Variants in SOX5 observed in about 807,000 individuals in gnomAD.
SOX5 encodes transcription factor SOX-5.
In SOX5, 9 loss-of-function variants were observed where a neutral mutation model predicts 92.0. The observed-to-expected ratio is 0.10, with a 90% CI of 0.06 to 0.17. The LOEUF (loss-of-function observed/expected upper bound fraction) is 0.17. SOX5 is among the 10% of genes least tolerant of loss of function. The pLI, the probability that SOX5 is intolerant of heterozygous loss-of-function variation, is 1.00. For synonymous variants in SOX5, 344 were observed against 336.3 expected (o/e 1.02, Z -0.25); for missense variants, 642 against 944.5 (o/e 0.68, Z 4.20).
intron 8 of SOX5, among the ~76,000 whole-genome samples, chr12:23,621,081 TC>T (rs2077119573): frequency 6.6e-6 from 1 of 152,092 alleles, no homozygotes; most frequent in Non-Finnish European, 1.5e-5. Context: ...AACTTATACA[TC>T]CACAATTCTT....
intron 4 of SOX5, among the ~76,000 whole-genome samples, chr12:24,178,670 A>C (rs1955112741): frequency 6.6e-6 from 1 of 152,226 alleles, no homozygotes; most frequent in Admixed American, 6.5e-5. Flanking sequence ...GATAAAAAAA[A>C]ATCTTGTTTT....
At chr12:24,169,797 T>C (rs10842288) in intron 4 of SOX5, among the ~76,000 whole-genome samples, 58,731 of 152,086 alleles carry the variant, frequency 0.39, 12,035 homozygotes, top group Non-Finnish European at 0.47. Context: ...CGTTTGTTTA[T>C]AAACTTTGTT....
intron 4 of SOX5, among the ~76,000 whole-genome samples, chr12:24,031,112 G>C (rs1955456790): frequency 6.6e-6 from 1 of 151,712 alleles, no homozygotes; most frequent in African/African-American, 2.4e-5. Flanking sequence ...TATTGGAACA[G>C]CCATTATGGA....
At chr12:24,166,901 C>T (rs1385504067) in intron 4 of SOX5, among the ~76,000 whole-genome samples, 1 of 152,084 alleles carries the variant, frequency 6.6e-6, no homozygotes, top group Non-Finnish European at 1.5e-5. Flanking sequence ...GAGGTATTTA[C>T]TTGGAACTGG....
intron 1 of SOX5, among the ~76,000 whole-genome samples, chr12:24,446,020 A>G (rs1011220024): frequency 2.0e-5 from 3 of 152,222 alleles, no homozygotes; most frequent in African/African-American, 7.2e-5. Context: ...CCTCAGAGAT[A>G]AGTGCTACTC....
intron 4 of SOX5, among the ~76,000 whole-genome samples, chr12:24,113,967 A>G (rs998560493): frequency 6.6e-5 from 10 of 152,200 alleles, no homozygotes; most frequent in African/African-American, 2.4e-4. Flanking sequence ...CTCCCTCACA[A>G]AAAAATGTGA....
chr12:24,147,544 C>G (rs1951209265), intron 4 of SOX5, among the ~76,000 whole-genome samples: 1 of 152,154 alleles, frequency 6.6e-6, no homozygotes, highest in Admixed American at 6.6e-5. Flanking sequence ...TTCACAATTT[C>G]TGCAGTGGAG....
At chr12:23,806,642 G>C (rs891448176) in intron 3 of SOX5, among the ~76,000 whole-genome samples, 1 of 120,312 alleles carries the variant, frequency 8.3e-6, no homozygotes, top group African/African-American at 3.1e-5. Flanking sequence ...TAGCATCACA[G>C]AATAGTGGAG....
At chr12:24,048,443 A>G (rs1957252157) in intron 4 of SOX5, among the ~76,000 whole-genome samples, 1 of 152,176 alleles carries the variant, frequency 6.6e-6, no homozygotes, top group Admixed American at 6.5e-5. Context: ...TCTTCAAAAT[A>G]TTAAACATAG....
chr12:24,063,690 A>G (rs1940154872), intron 4 of SOX5, among the ~76,000 whole-genome samples: 1 of 152,214 alleles, frequency 6.6e-6, no homozygotes, highest in African/African-American at 2.4e-5. Context: ...ATTATAATAT[A>G]CCTGTCACAG....
intron 7 of SOX5, among the ~76,000 whole-genome samples, chr12:23,653,377 T>C (rs377473328): frequency 1.3e-5 from 2 of 152,024 alleles, no homozygotes; most frequent in Non-Finnish European, 2.9e-5. Context: ...ATCCTTTAGG[T>C]TGACTTGAGA....
chr12:24,401,708 T>TAAAAAAAAAAAA (rs71063321), intron 1 of SOX5, among the ~76,000 whole-genome samples: 26 of 99,450 alleles, frequency 2.6e-4, no homozygotes, highest in African/African-American at 1.0e-3. Flanking sequence ...ACCCTATCTT[T>TAAAAAAAAAAAA]AAAAAAAAAA....
intron 6 of SOX5, among the ~76,000 whole-genome samples, chr12:23,710,010 C>A (rs1253441736): frequency 6.6e-6 from 1 of 152,088 alleles, no homozygotes; most frequent in Non-Finnish European, 1.5e-5. Flanking sequence ...ACATCAAGAC[C>A]TATTTTTACT....
chr12:23,578,738 C>T (rs1949621217), intron 9 of SOX5, among the ~76,000 whole-genome samples: 1 of 152,234 alleles, frequency 6.6e-6, no homozygotes, highest in Admixed American at 6.5e-5. Context: ...TTACTATTTA[C>T]TACCCAGCTG....
chr12:23,623,212 A>G (rs1335485677), intron 8 of SOX5, among the ~76,000 whole-genome samples: 6 of 152,186 alleles, frequency 3.9e-5, no homozygotes, highest in Admixed American at 2.0e-4. Context: ...AAATATTTCA[A>G]TTATAAAAGA....
At chr12:24,117,133 A>C (rs1361517983) in intron 4 of SOX5, among the ~76,000 whole-genome samples, 1 of 152,176 alleles carries the variant, frequency 6.6e-6, no homozygotes, top group Admixed American at 6.5e-5. Flanking sequence ...CAAATACCCC[A>C]ATTAAAAAAT....
intron 1 of SOX5, among the ~76,000 whole-genome samples, chr12:24,398,487 G>A (rs1960635551): frequency 6.6e-6 from 1 of 152,186 alleles, no homozygotes. Context: ...CTGAAAGACA[G>A]AGTGAGAACC....
intron 4 of SOX5, among the ~76,000 whole-genome samples, chr12:23,978,567 C>T (rs1300292865): frequency 6.6e-6 from 1 of 152,132 alleles, no homozygotes; most frequent in Non-Finnish European, 1.5e-5. Flanking sequence ...CGTCACAATA[C>T]ATGGTAGAAA....
intron 3 of SOX5, among the ~76,000 whole-genome samples, chr12:23,790,171 G>C (rs1274214809): frequency 6.6e-6 from 1 of 151,998 alleles, no homozygotes; most frequent in Non-Finnish European, 1.5e-5. Context: ...GTATGAAATA[G>C]AACAACATTT....
Sources: gnomAD v4.1 joint callset for allele counts (sites outside exome capture counted in the v4.1 genomes callset) on GRCh38, gnomAD v4.1.1 for gene constraint, MANE v1.5 for transcripts, NCBI Gene and HGNC (gene_info 2026-07-23, HGNC 2026-07-21) for gene names.